Variants in DTNA observed in about 807,000 individuals in gnomAD.
The protein encoded by DTNA is dystrobrevin alpha, also known as dystrophin-related protein 3.
In DTNA, 43 loss-of-function variants were observed where a neutral mutation model predicts 100.7. That is an observed-to-expected ratio of 0.43 (90% CI 0.33 to 0.55). The LOEUF is 0.55. Among genes scored for constraint, DTNA ranks in the 20% least tolerant of loss-of-function variants. The pLI is 0.04. For missense variants in DTNA, 798 were observed against 953.9 expected (o/e 0.84, Z 2.15); for synonymous variants, 349 against 347.9 (o/e 1.00, Z -0.04).
intron 1 of DTNA, among the ~76,000 whole-genome samples, chr18:34,505,690 ATG>A (rs1460215870): frequency 6.6e-6 from 1 of 151,066 alleles, no homozygotes; most frequent in Admixed American, 6.6e-5. Context: ...GTTTTTCCTT[ATG>A]TGTTCTATTT....
At chr18:34,872,353 C>G (rs2096773538) in intron 17 of DTNA, among the ~76,000 whole-genome samples, 1 of 152,120 alleles carries the variant, frequency 6.6e-6, no homozygotes, top group Non-Finnish European at 1.5e-5. Flanking sequence ...CCTGGAGAAC[C>G]TGGTATAAGA....
chr18:34,561,907 C>T (rs572354091), intron 1 of DTNA, among the ~76,000 whole-genome samples: 39 of 152,178 alleles, frequency 2.6e-4, no homozygotes, highest in African/African-American at 5.5e-4. Context: ...CTTGTGCCGA[C>T]GGAAAGTGAG....
At chr18:34,587,664 G>A (rs1335551363) in intron 1 of DTNA, among the ~76,000 whole-genome samples, 1 of 152,046 alleles carries the variant, frequency 6.6e-6, no homozygotes, top group African/African-American at 2.4e-5. Context: ...CCTTGGTGGT[G>A]GACCTCTCCC....
intron 1 of DTNA, among the ~76,000 whole-genome samples, chr18:34,678,728 A>G (rs1194440845): frequency 1.3e-5 from 2 of 152,120 alleles, no homozygotes; most frequent in African/African-American, 4.8e-5. Flanking sequence ...CCATAGGGTC[A>G]GGGATCTTGG....
At chr18:34,559,353 A>G (rs1341785939) in intron 1 of DTNA, among the ~76,000 whole-genome samples, 1 of 152,228 alleles carries the variant, frequency 6.6e-6, no homozygotes, top group Non-Finnish European at 1.5e-5. Context: ...GTGGGGGGAA[A>G]AATGAATAGA....
intron 1 of DTNA, among the ~76,000 whole-genome samples, chr18:34,676,427 A>C (rs1319996456): frequency 1.3e-5 from 2 of 152,190 alleles, no homozygotes; most frequent in Non-Finnish European, 2.9e-5. Flanking sequence ...CTGGGAGCTT[A>C]GTAAAGAATA....
At chr18:34,752,232 C>T (rs2092383708) in intron 1 of DTNA, among the ~76,000 whole-genome samples, 1 of 152,190 alleles carries the variant, frequency 6.6e-6, no homozygotes, top group Non-Finnish European at 1.5e-5. Flanking sequence ...CTCCATATGA[C>T]TTTGGGCAGC....
At chr18:34,557,826 G>T (rs1697333029) in intron 1 of DTNA, among the ~76,000 whole-genome samples, 1 of 152,178 alleles carries the variant, frequency 6.6e-6, no homozygotes, top group Non-Finnish European at 1.5e-5. Context: ...CTTTTTGTTT[G>T]TCTGTGCCCT....
chr18:34,847,208 G>A (rs748325293), intron 13 of DTNA, among the ~76,000 whole-genome samples: 9 of 152,162 alleles, frequency 5.9e-5, no homozygotes, highest in Non-Finnish European at 7.4e-5. Context: ...AATTAGTAAC[G>A]CTTCTATTTG....
chr18:34,890,329 G>A lies in DTNA; in HGVS notation c.*2595G>A. Reference sequence around the variant, plus strand: ...ACGTCAGCACTGAGACCAGACTCGAGCACCCCTGTCCTGTAAGCGAGACAA... The same window carrying A: ...ACGTCAGCACTGAGACCAGACTCGAACACCCCTGTCCTGTAAGCGAGACAA... On this transcript the variant is annotated 3_prime_UTR_variant, in exon 23 of 23. Transcript: ENST00000444659. 1 of 1,536,052 alleles carries A rather than the reference G, an allele frequency of 6.5e-7. No homozygotes were observed. Among genetic ancestry groups the A allele is most frequent in the Non-Finnish European group, 8.7e-7 (1 of 1,146,862 alleles).
intron 3 of DTNA, among the ~76,000 whole-genome samples, chr18:34,788,742 T>A (rs2094598675): frequency 6.6e-6 from 1 of 152,254 alleles, no homozygotes; most frequent in Non-Finnish European, 1.5e-5. Flanking sequence ...CTTTTGTGGC[T>A]GCAATGCACT....
chr18:34,746,924 A>C (rs1012334496), intron 1 of DTNA, among the ~76,000 whole-genome samples: 1 of 152,050 alleles, frequency 6.6e-6, no homozygotes, highest in Non-Finnish European at 1.5e-5. Flanking sequence ...AAACGAAACC[A>C]AATGTCCTTA....
intron 1 of DTNA, among the ~76,000 whole-genome samples, chr18:34,698,839 A>G (rs2080970858): frequency 6.6e-6 from 1 of 152,036 alleles, no homozygotes; most frequent in South Asian, 2.1e-4. Context: ...GTGCACACCC[A>G]GATTGAGGGT....
chr18:34,727,868 A>G (rs2087076832), intron 1 of DTNA, among the ~76,000 whole-genome samples: 1 of 152,172 alleles, frequency 6.6e-6, no homozygotes, highest in African/African-American at 2.4e-5. Context: ...CTCAGCGCCT[A>G]AAATGTCTTA....
intron 1 of DTNA, among the ~76,000 whole-genome samples, chr18:34,512,839 A>T (rs2439857): frequency 0.6 from 91,807 of 151,848 alleles, 29,099 homozygotes; most frequent in East Asian, 0.91. Context: ...CAGATTTTGC[A>T]TATTTGGTCA....
intron 1 of DTNA, among the ~76,000 whole-genome samples, chr18:34,696,408 T>A (rs904024513): frequency 6.6e-6 from 1 of 151,728 alleles, no homozygotes; most frequent in African/African-American, 2.4e-5. Context: ...GGAACCCCCG[T>A]CTCTACTAAA....
At chr18:34,868,031 CAA>C (rs892318547) in intron 17 of DTNA, 1 of 979,852 alleles carries the variant, frequency 1.0e-6, no homozygotes, top group African/African-American at 1.8e-5. Flanking sequence ...CAGCTTACAA[CAA>C]AAGATATAAA....
intron 1 of DTNA, among the ~76,000 whole-genome samples, chr18:34,642,980 T>C (rs950799902): frequency 6.6e-5 from 10 of 152,176 alleles, no homozygotes; most frequent in Admixed American, 2.0e-4. Flanking sequence ...TAACACTACC[T>C]GGAATTCATG....
At chr18:34,842,404 A>G (rs1568733478) in intron 13 of DTNA, among the ~76,000 whole-genome samples, 1 of 152,146 alleles carries the variant, frequency 6.6e-6, no homozygotes, top group Non-Finnish European at 1.5e-5. Context: ...TCAGAATTTC[A>G]TTTATGAGGT....
Sources: allele counts gnomAD v4.1 joint callset (sites outside exome capture counted in the v4.1 genomes callset), GRCh38; gene constraint gnomAD v4.1.1; transcripts MANE v1.5; gene names NCBI Gene and HGNC (gene_info 2026-07-23, HGNC 2026-07-21).